EXD3: variants seen among roughly 807,000 people sequenced by gnomAD.
EXD3 encodes the protein exonuclease mut-7 homolog.
EXD3 carries 92 observed loss-of-function variants against 98.0 expected under a neutral mutation model. That is an observed-to-expected ratio of 0.94 (90% CI 0.79 to 1.12). EXD3 has a LOEUF of 1.12. Among genes scored for constraint, EXD3 ranks in the 50% most tolerant of loss-of-function variants. The pLI, the probability that EXD3 is intolerant of heterozygous loss-of-function variation, is 0.00. For missense variants in EXD3, 1,222 were observed against 1,191.6 expected (o/e 1.03, Z -0.38); for synonymous variants, 569 against 526.0 (o/e 1.08, Z -1.12).
chr9:137,348,229 C>A lies in EXD3; in HGVS notation c.1840G>T (p.Ala614Ser), dbSNP rs760221601. Reference protein sequence around the residue: ...APAAPRQVPVAVAVSEGAAPQ... With the variant: ...APAAPRQVPVSVAVSEGAAPQ... ...GCAGCGCCCTCAGACACAGCCACAG[C>A]CACAGGGACCTGCAGTGAGGCCCTG... The change falls in exon 17 of 22, where the codon GCT (alanine) becomes TCT (serine). Residue 614 changes from alanine (A) to serine (S), a missense_variant. Transcript: ENST00000340951. 4.3e-6 allele frequency: 7 copies of A among 1,611,186 alleles called. No individual in the cohort carries two copies. In the African/African-American group the frequency reaches 8.0e-5, roughly 18 times the overall value.
Position 137,410,561 on chromosome 9 carries a change from C to G in EXD3, c.-48+12553G>C, listed in dbSNP as rs191212442. On this transcript the variant is annotated intron_variant, in intron 1 of 21. Transcript: ENST00000340951. Reference sequence around the variant, plus strand: ...TTCTTCTGAAAGGTGCTAACTCAAGCCAAATTGTTGCCATGAGTCCTGTGA... The same window carrying G: ...TTCTTCTGAAAGGTGCTAACTCAAGGCAAATTGTTGCCATGAGTCCTGTGA... Among the ~76,000 whole-genome samples, 16 of 152,238 alleles carry G rather than the reference C, an allele frequency of 1.1e-4. No homozygotes were observed. In the East Asian group the frequency reaches 2.9e-3, roughly 28 times the overall value.
At chr9:137,327,454 T>G (rs2119116843) in intron 17 of EXD3, among the ~76,000 whole-genome samples, 1 of 152,252 alleles carries the variant, frequency 6.6e-6, no homozygotes, top group East Asian at 1.9e-4. Context: ...TTTGGGATGA[T>G]ACCCAGTTCT....
At chr9:137,309,573 C>T (rs1479070256) in intron 20 of EXD3, 34 bp downstream of exon 20, 3 of 1,530,236 alleles carry the variant, frequency 2.0e-6, no homozygotes, top group Non-Finnish European at 2.7e-6. Flanking sequence ...ATCCCAGGCC[C>T]CCCAGACCCA....
Position 137,405,942 on chromosome 9 carries a change from G to C in EXD3, c.-47-10538C>G, listed in dbSNP as rs1156496924. On this transcript the variant is annotated intron_variant, in intron 1 of 21. Coordinates refer to ENST00000340951, the MANE Select transcript of EXD3 (RefSeq NM_017820.5). The surrounding 1 kb of genome is among the most constrained non-coding windows in gnomAD (Gnocchi z 4.1). ...GAGTGAATAAAACGTGAAACTGGCT[G>C]GGCACGGTGGCTCACGCCTGTAATC... is the stretch of plus-strand genomic sequence containing the variant. 6.6e-6 allele frequency among the ~76,000 whole-genome samples: 1 copy of C among 152,216 alleles called. No individual in the cohort carries two copies. Among genetic ancestry groups the C allele is most frequent in the Non-Finnish European group, 1.5e-5 (1 of 68,048 alleles).
At chr9:137,310,584 G>A (rs2119044595) in intron 19 of EXD3, among the ~76,000 whole-genome samples, 1 of 152,324 alleles carries the variant, frequency 6.6e-6, no homozygotes, top group South Asian at 2.1e-4. Context: ...GCTGGGGGTG[G>A]GGGCAGGGAG....
Position 137,352,806 on chromosome 9 carries a change from G to A in EXD3, c.871-20C>T, listed in dbSNP as rs368300957. On this transcript the variant is annotated intron_variant, in intron 10 of 21. Transcript: ENST00000340951. ...CAGGCCCTGTGAGGAGGGTGGCCGT[G>A]AGGATGGAGATGGGGACATTGCTGT... 8.6e-5 allele frequency: 135 copies of A among 1,574,920 alleles called. No individual in the cohort carries two copies. Among genetic ancestry groups the A allele is most frequent in the Non-Finnish European group, 1.1e-4 (128 of 1,162,994 alleles).
At chr9:137,406,291 G>GAA (rs535972920) in intron 1 of EXD3, among the ~76,000 whole-genome samples, 1 of 143,056 alleles carries the variant, frequency 7.0e-6, no homozygotes, top group African/African-American at 2.6e-5. Flanking sequence ...AAGGAAAAAG[G>GAA]AAAAAAAAAA....
chr9:137,352,323 TC>T, intron 11 of EXD3, 122 bp from the exon 12 acceptor site: 1 of 1,374,674 alleles, frequency 7.3e-7, no homozygotes, highest in Non-Finnish European at 1.0e-6. Context: ...TGGCTCCTCC[TC>T]CCACACCGGC....
At chr9:137,327,976 C>A in intron 17 of EXD3, among the ~76,000 whole-genome samples, 1 of 151,696 alleles carries the variant, frequency 6.6e-6, no homozygotes, top group Non-Finnish European at 1.5e-5. Context: ...GTAAAAACAA[C>A]TAATATACAC....
intron 1 of EXD3, among the ~76,000 whole-genome samples, chr9:137,400,626 G>A (rs890400707): frequency 2.6e-5 from 4 of 152,096 alleles, no homozygotes; most frequent in Non-Finnish European, 5.9e-5. Context: ...TTAGCCGGGC[G>A]TGGTGGCACC....
At chr9:137,320,322 C>T (rs1005684752) in intron 19 of EXD3, among the ~76,000 whole-genome samples, 7 of 152,342 alleles carry the variant, frequency 4.6e-5, no homozygotes, top group African/African-American at 1.4e-4. Flanking sequence ...AATTCCCCGC[C>T]GGCTGTTTGC....
intron 1 of EXD3, among the ~76,000 whole-genome samples, chr9:137,410,696 CACA>C (rs1393796298): frequency 3.3e-5 from 5 of 152,140 alleles, no homozygotes; most frequent in Non-Finnish European, 5.9e-5. Context: ...GGCAGAACTG[CACA>C]ACGAGGAAGC....
At position 137,352,293 on chromosome 9, in the gene EXD3, G is replaced by A. The variant is rs1385003714; in HGVS notation, c.1038-92C>T. 9.7e-6 allele frequency: 15 copies of A among 1,543,046 alleles called. No homozygotes were observed. The Admixed American group carries it at 2.4e-4, about 25-fold the overall frequency. On this transcript the variant is annotated intron_variant, in intron 11 of 21. Coordinates refer to ENST00000340951, the MANE Select transcript of EXD3 (RefSeq NM_017820.5). ...GGAGGGGAGCATTCAGGGCCTGTTT[G>A]GTGGGGGCATCTCAGGTCCTGGCTC...
intron 3 of EXD3, chr9:137,374,859 T>C (rs1835814559): frequency 1.0e-6 from 1 of 985,394 alleles, no homozygotes; most frequent in South Asian, 4.7e-5. Flanking sequence ...AACTTAGTCC[T>C]AGCCCTAGTG....
At chr9:137,419,942 G>T (rs940643723) in intron 1 of EXD3, among the ~76,000 whole-genome samples, 1 of 152,094 alleles carries the variant, frequency 6.6e-6, no homozygotes, top group Non-Finnish European at 1.5e-5. Context: ...GGCGGATCAC[G>T]AGGTCAGGAG....
intron 1 of EXD3, among the ~76,000 whole-genome samples, chr9:137,401,152 C>CTTTTTTT (rs34114761): frequency 9.2e-6 from 1 of 108,340 alleles, no homozygotes; most frequent in Non-Finnish European, 1.8e-5. Flanking sequence ...CACCCATTTC[C>CTTTTTTT]TTTTTTTTTT....
chr9:137,333,606 T>C (rs1248155553), intron 17 of EXD3, among the ~76,000 whole-genome samples: 2 of 152,168 alleles, frequency 1.3e-5, no homozygotes, highest in Non-Finnish European at 1.5e-5. Context: ...CCCTTGGTCC[T>C]GTCCTTGCCT....
intron 17 of EXD3, among the ~76,000 whole-genome samples, chr9:137,346,162 C>G (rs904571147): frequency 7.2e-6 from 1 of 139,674 alleles, no homozygotes; most frequent in African/African-American, 2.7e-5. Flanking sequence ...TGGCATGAAC[C>G]TGGGAGGCGG....
chr9:137,375,735 A>C (rs1330885254), intron 3 of EXD3, among the ~76,000 whole-genome samples: 1 of 152,162 alleles, frequency 6.6e-6, no homozygotes, highest in Admixed American at 6.5e-5. Flanking sequence ...AGTGAGTTCT[A>C]TCTGTAGTTA....
Sources: allele counts gnomAD v4.1 joint callset (sites outside exome capture counted in the v4.1 genomes callset), GRCh38; gene constraint gnomAD v4.1.1; non-coding constraint Gnocchi (gnomAD v3.1); transcripts MANE v1.5; gene names NCBI Gene and HGNC (gene_info 2026-07-23, HGNC 2026-07-21).